COL4A3: variants seen among roughly 807,000 people sequenced by gnomAD.
COL4A3 encodes the protein collagen alpha-3(IV) chain.
Under a neutral mutation model 217.4 loss-of-function variants are expected in COL4A3, and 135 were observed. That is an observed-to-expected ratio of 0.62 (90% CI 0.54 to 0.72). The LOEUF (loss-of-function observed/expected upper bound fraction) is 0.72. Ranked by LOEUF, COL4A3 falls within the 30% of genes least tolerant of loss-of-function variation. COL4A3 has a pLI of 0.00. For missense variants in COL4A3, 1,868 were observed against 2,119.9 expected (o/e 0.88, Z 2.33); for synonymous variants, 690 against 736.3 (o/e 0.94, Z 1.02).
chr2:227,270,659 T>C (rs1031252472), intron 24 of COL4A3, 111 bp from the exon 25 acceptor site: 17 of 1,059,302 alleles, frequency 1.6e-5, no homozygotes, highest in Non-Finnish European at 2.3e-5. Flanking sequence ...AAAGAGTGTG[T>C]TGAAAAAATT....
chr2:227,191,617 C>T lies in COL4A3; in HGVS notation c.87+26804C>T, dbSNP rs1025379690. ...CAGGATGATCAGATTTCAAAGTCGG[C>T]CAAATAACTCATCTTGGAGACAGAT... is the stretch of plus-strand genomic sequence containing the variant. On this transcript the variant is annotated intron_variant, in intron 1 of 51. Transcript: ENST00000396578. The surrounding 1 kb of genome is among the most constrained non-coding windows in gnomAD (Gnocchi z 6.8). 6.6e-6 allele frequency among the ~76,000 whole-genome samples: 1 copy of T among 152,136 alleles called. No individual in the cohort carries two copies. The highest frequency in any genetic ancestry group is 1.9e-4 in the East Asian group (1 of 5,198).
At chr2:227,238,192 A>T (rs2068806333) in intron 2 of COL4A3, 168 bp downstream of exon 2, 1 of 517,236 alleles carries the variant, frequency 1.9e-6, no homozygotes, top group Admixed American at 3.3e-5. Flanking sequence ...AAAAAAAAGA[A>T]AAAAGTCATC....
At chr2:227,209,588 C>G (rs1371673944) in intron 1 of COL4A3, among the ~76,000 whole-genome samples, 1 of 152,122 alleles carries the variant, frequency 6.6e-6, no homozygotes, top group Admixed American at 6.5e-5. Flanking sequence ...ACCTGTAATC[C>G]CAGCACTTTG....
Position 227,240,148 on chromosome 2 carries a change from G to A in COL4A3, c.150G>A (p.Glu50=). The change falls in exon 3 of 52, where the codon GAG becomes GAA. Residue 50 remains glutamate, a synonymous_variant. Coordinates refer to ENST00000396578, the MANE Select transcript of COL4A3 (RefSeq NM_000091.5). ...FCDGAKGEKG[E]KGFPGPPGSP... is the part of the protein sequence containing the mutation. ...CCTCGTTTTGGTTTTAACAGGGGGA[G>A]AAGGGCTTTCCTGGACCCCCCGGTT... is the stretch of plus-strand genomic sequence containing the variant. The A allele has an allele frequency of 6.2e-7, 1 of 1,607,764 alleles. No individual in the cohort carries two copies. The highest frequency in any genetic ancestry group is 8.5e-7 in the Non-Finnish European group (1 of 1,177,150).
At chr2:227,222,082 A>T (rs1304394148) in intron 1 of COL4A3, among the ~76,000 whole-genome samples, 3 of 150,494 alleles carry the variant, frequency 2.0e-5, no homozygotes, top group African/African-American at 7.3e-5. Context: ...TGAGCCCAGG[A>T]GTTTGAGACC....
In COL4A3 at chr2:227,290,025, G is replaced by A. The variant is rs1214122319; in HGVS notation, c.3007G>A (p.Gly1003Arg). 2 of 1,614,054 alleles carry A rather than the reference G, an allele frequency of 1.2e-6. No individual in the cohort carries two copies. Among genetic ancestry groups the A allele is most frequent in the African/African-American group, 1.3e-5 (1 of 74,928 alleles). The stretch of plus-strand genomic sequence containing the variant: ...CCCCAGAGGAGATTTGGGCAGCACT[G>A]GGAATCCTGGAGAACCAGGACTGCG... ...PGPRGDLGST[G>R]NPGEPGLRGI... Residue 1003 changes from glycine (G) to arginine (R), a missense_variant, in exon 36 of 52, where the codon GGG becomes AGG. By Grantham distance (125) the Gly-to-Arg change is moderately radical (BLOSUM62 -2). Around this residue, in one of 2 missense-constraint regions of COL4A3, gnomAD observed 1,503 missense variants for 1,786.1 expected, o/e 0.84. Coordinates refer to ENST00000396578, the MANE Select transcript of COL4A3 (RefSeq NM_000091.5).
At chr2:227,235,922 C>T (rs73078080) in intron 1 of COL4A3, among the ~76,000 whole-genome samples, 49,080 of 151,046 alleles carry the variant, frequency 0.32, 8,366 homozygotes, top group Non-Finnish European at 0.36. Context: ...TACAGATGCC[C>T]GCCACCACAT....
rs2125914087 is a variant in COL4A3 at position 227,247,579 on chromosome 2, CA to C, written c.467del (p.Lys156ArgfsTer10). The part of the protein sequence containing the change: ...GIPGAAGLKG[Q>X]KGAPAKEEDI... ...CTAGGGTGCTGCTGGTTTGAAAGGA[CA>C]AAAGGTAAGTCATTGGTGGAATGCT... On this transcript the variant is annotated frameshift_variant, in exon 8 of 52. Transcript: ENST00000396578. LOFTEE classifies it high-confidence loss of function. 6.2e-7 allele frequency: 1 copy of C among 1,613,932 alleles called. No homozygotes were observed. The highest frequency in any genetic ancestry group is 1.1e-5 in the South Asian group (1 of 91,074).
At chr2:227,178,955 C>CATT (rs1395592399) in intron 1 of COL4A3, among the ~76,000 whole-genome samples, 1 of 151,750 alleles carries the variant, frequency 6.6e-6, no homozygotes, top group Non-Finnish European at 1.5e-5. Flanking sequence ...AATAAATCAT[C>CATT]ATTATTATTA....
intron 3 of COL4A3, among the ~76,000 whole-genome samples, chr2:227,240,910 C>T (rs2068979761): frequency 6.6e-6 from 1 of 152,236 alleles, no homozygotes; most frequent in African/African-American, 2.4e-5. Flanking sequence ...AATGCCAATA[C>T]ATACTTTTGT....
Position 227,282,281 on chromosome 2 carries a change from T to A in COL4A3, c.2489-84T>A, listed in dbSNP as rs906859784. 13 of 246,780 alleles carry A rather than the reference T, an allele frequency of 5.3e-5. No individual in the cohort carries two copies. The highest frequency in any genetic ancestry group is 3.1e-4 in the African/African-American group (13 of 42,138). The allele number at this position is 246,780 out of a possible 1,614,324, so 15.3% of individuals were successfully genotyped here. ...AGGGAGATTCCATCTTAAAAATATA[T>A]ATATATATATATATATATATTTCTG... On this transcript the variant is annotated intron_variant, in intron 31 of 51. Coordinates refer to ENST00000396578, the MANE Select transcript of COL4A3 (RefSeq NM_000091.5). This position sits in a 1 kb window ranked among gnomAD's most constrained non-coding sequence, Gnocchi z 4.4.
At chr2:227,226,745 T>C (rs1311850710) in intron 1 of COL4A3, among the ~76,000 whole-genome samples, 1 of 152,182 alleles carries the variant, frequency 6.6e-6, no homozygotes, top group Non-Finnish European at 1.5e-5. Flanking sequence ...GCTGAGATTA[T>C]AGGCATGAGC....
At chr2:227,292,571 A>T (rs187098030) in intron 37 of COL4A3, among the ~76,000 whole-genome samples, 1 of 152,348 alleles carries the variant, frequency 6.6e-6, no homozygotes, top group Admixed American at 6.5e-5. Flanking sequence ...AAATTTTGTA[A>T]ATCTTTATCA....
chr2:227,284,190 G>A (rs147540001), intron 33 of COL4A3, 21 bp from the exon 34 acceptor site: 17 of 1,613,942 alleles, frequency 1.1e-5, no homozygotes, highest in Non-Finnish European at 1.3e-5. Context: ...AGGACCTGAT[G>A]TTGTTACTCC....
At chr2:227,267,792 GAAA>G (rs11298010) in intron 23 of COL4A3, among the ~76,000 whole-genome samples, 1 of 146,740 alleles carries the variant, frequency 6.8e-6, no homozygotes, top group Admixed American at 6.8e-5. Flanking sequence ...ATTTTGAAAG[GAAA>G]AAAAAAAAAA....
intron 1 of COL4A3, among the ~76,000 whole-genome samples, chr2:227,166,053 GT>G (rs1327207446): frequency 1.3e-5 from 2 of 152,194 alleles, no homozygotes. Context: ...TTTGCAACCT[GT>G]AGACCAGTCC....
At chr2:227,266,557 C>T in intron 22 of COL4A3, 48 bp downstream of exon 22, 1 of 1,391,908 alleles carries the variant, frequency 7.2e-7, no homozygotes. Flanking sequence ...TTTTCATCGT[C>T]ATTATTATCA....
intron 6 of COL4A3, among the ~76,000 whole-genome samples, chr2:227,246,433 A>G (rs1460940001): frequency 6.6e-6 from 1 of 152,234 alleles, no homozygotes; most frequent in Non-Finnish European, 1.5e-5. Flanking sequence ...TGAAGGAAAC[A>G]GCAATTAAAA....
intron 47 of COL4A3, chr2:227,305,427 C>G: frequency 3.4e-6 from 1 of 294,650 alleles, no homozygotes; most frequent in South Asian, 3.7e-5. Flanking sequence ...TTTATAGGAG[C>G]AGTACATAAG....
Sources: allele counts gnomAD v4.1 joint callset (sites outside exome capture counted in the v4.1 genomes callset), GRCh38; gene constraint gnomAD v4.1.1; regional missense constraint gnomAD v4.1.1; non-coding constraint Gnocchi (gnomAD v3.1); transcripts MANE v1.5; gene names NCBI Gene and HGNC (gene_info 2026-07-23, HGNC 2026-07-21).